Variants in DNAH14 observed in about 807,000 individuals in gnomAD.
The protein encoded by DNAH14 is axonemal beta dynein heavy chain 14.
A neutral mutation model predicts 520.9 loss-of-function variants in DNAH14; 478 were observed. The observed-to-expected ratio is 0.92, with a 90% CI of 0.85 to 0.99. The LOEUF is 0.99. DNAH14 is among the 50% of genes least tolerant of loss of function. The pLI, the probability that DNAH14 is intolerant of heterozygous loss-of-function variation, is 0.00. For missense variants in DNAH14, 4,831 were observed against 5,234.5 expected (o/e 0.92, Z 2.38); for synonymous variants, 1,581 against 1,757.2 (o/e 0.90, Z 2.51).
At chr1:224,985,539 A>G (rs1207315001) in intron 8 of DNAH14, among the ~76,000 whole-genome samples, 1 of 152,118 alleles carries the variant, frequency 6.6e-6, no homozygotes, top group Non-Finnish European at 1.5e-5. Flanking sequence ...CAATGGGTGC[A>G]CCAGGTTCTC....
At chr1:225,093,676 A>C (rs1160090540) in intron 21 of DNAH14, among the ~76,000 whole-genome samples, 1 of 152,178 alleles carries the variant, frequency 6.6e-6, no homozygotes, top group Non-Finnish European at 1.5e-5. Flanking sequence ...CCAAATAGGA[A>C]AAAAGGAAGT....
At chr1:225,396,310 C>G (rs2096010174) in intron 84 of DNAH14, 1 of 152,192 alleles carries the variant, frequency 6.6e-6, no homozygotes, top group Non-Finnish European at 1.5e-5. Flanking sequence ...AGGCCTCTGC[C>G]CTCTAGAAGA....
rs776503848 is a variant in DNAH14 at position 225,337,264 on chromosome 1, A to G, written c.10081-2A>G. ...GTGAAAGTACTAATAATTTCATTGC[A>G]GATCAGCCGATGGCATAATCAGGGA... On this transcript the variant is annotated splice_acceptor_variant, in intron 66 of 85. Coordinates refer to ENST00000682510, the MANE Select transcript of DNAH14 (RefSeq NM_001367479.1). LOFTEE classifies it high-confidence loss of function. 2 of 1,549,722 alleles carry G rather than the reference A, an allele frequency of 1.3e-6. No homozygotes were observed. The highest frequency in any genetic ancestry group is 1.7e-6 in the Non-Finnish European group (2 of 1,145,050).
At chr1:225,335,896 TAC>T (rs1459745241) in intron 66 of DNAH14, among the ~76,000 whole-genome samples, 9 of 88,108 alleles carry the variant, frequency 1.0e-4, no homozygotes, top group South Asian at 4.6e-4. Context: ...TACATATACA[TAC>T]ATATATGCAT....
chr1:224,960,945 C>T lies in DNAH14; in HGVS notation c.367+643C>T, dbSNP rs115646817. Reference sequence around the variant, plus strand: ...TACCTCATATAGCACAAAACCTCCACGGACGTGGTGGTGTTCATGCCCTTG... The same window carrying T: ...TACCTCATATAGCACAAAACCTCCATGGACGTGGTGGTGTTCATGCCCTTG... On this transcript the variant is annotated intron_variant, in intron 4 of 85. Coordinates refer to ENST00000682510, the MANE Select transcript of DNAH14 (RefSeq NM_001367479.1). Among the ~76,000 whole-genome samples, 723 of 152,180 alleles carry T rather than the reference C, an allele frequency of 4.8e-3. 4 individuals carry two copies. Among genetic ancestry groups the T allele is most frequent in the African/African-American group, 0.016 (678 of 41,520 alleles).
intron 31 of DNAH14, among the ~76,000 whole-genome samples, chr1:225,149,540 A>G (rs1298386393): frequency 6.6e-6 from 1 of 152,200 alleles, no homozygotes; most frequent in Non-Finnish European, 1.5e-5. Flanking sequence ...TCATTTTAGC[A>G]ATATTGATTC....
intron 8 of DNAH14, among the ~76,000 whole-genome samples, chr1:225,000,270 T>C (rs2063667619): frequency 6.6e-6 from 1 of 152,178 alleles, no homozygotes; most frequent in Non-Finnish European, 1.5e-5. Flanking sequence ...TTTTCTCCTA[T>C]GGATAAAGTG....
chr1:225,033,210 G>A (rs2066674677), intron 11 of DNAH14, among the ~76,000 whole-genome samples: 1 of 152,088 alleles, frequency 6.6e-6, no homozygotes. Flanking sequence ...TATAGTTTTG[G>A]GTTTTGCATT....
intron 77 of DNAH14, among the ~76,000 whole-genome samples, chr1:225,373,962 C>CA (rs1372057636): frequency 9.4e-5 from 14 of 149,450 alleles, no homozygotes; most frequent in Non-Finnish European, 3.0e-5. Flanking sequence ...CCCATCTCTA[C>CA]AAAAAAATAC....
chr1:225,084,421 G>C (rs1242397576), intron 20 of DNAH14, among the ~76,000 whole-genome samples: 1 of 152,034 alleles, frequency 6.6e-6, no homozygotes, highest in African/African-American at 2.4e-5. Context: ...ACCCAGAGGT[G>C]GTGGTCATGC....
At chr1:225,242,106 C>T (rs545762169) in intron 43 of DNAH14, among the ~76,000 whole-genome samples, 34 of 152,188 alleles carry the variant, frequency 2.2e-4, no homozygotes, top group African/African-American at 8.2e-4. Flanking sequence ...TGGTTGTATG[C>T]TCCTGTAGTT....
chr1:225,313,630 G>A (rs568468544), intron 60 of DNAH14, among the ~76,000 whole-genome samples: 27 of 152,140 alleles, frequency 1.8e-4, no homozygotes, highest in African/African-American at 4.3e-4. Flanking sequence ...CAGAGATTCC[G>A]GTACGTTGTG....
intron 41 of DNAH14, among the ~76,000 whole-genome samples, chr1:225,219,752 T>C (rs914186942): frequency 6.6e-6 from 1 of 151,998 alleles, no homozygotes; most frequent in Non-Finnish European, 1.5e-5. Flanking sequence ...AGAACCATTT[T>C]TTTCTGAAAT....
chr1:224,943,628 A>G (rs1236885645), intron 1 of DNAH14, among the ~76,000 whole-genome samples: 1 of 152,048 alleles, frequency 6.6e-6, no homozygotes, highest in Non-Finnish European at 1.5e-5. Flanking sequence ...TCTTGTGGGC[A>G]TTTAGTGCTG....
intron 8 of DNAH14, among the ~76,000 whole-genome samples, chr1:224,983,992 A>C (rs1216486414): frequency 6.6e-6 from 1 of 152,180 alleles, no homozygotes; most frequent in Non-Finnish European, 1.5e-5. Flanking sequence ...AATTCAACCC[A>C]ATCCCCACCA....
chr1:225,265,299 C>A lies in DNAH14; in HGVS notation c.7340C>A (p.Thr2447Asn). The change falls in exon 48 of 86, where the codon ACC becomes AAC. Residue 2447 changes from threonine (T) to asparagine (N), a missense_variant. Physicochemically the swap from Thr to Asn is moderately conservative, Grantham distance 65. Transcript: ENST00000682510. ...NFSTNVTAAK[T>N]KEMILKKLIR... is the part of the protein sequence containing the mutation. ...AGCACCAATGTAACAGCTGCCAAAA[C>A]CAAGGAGATGATTCTTAAGAAGTTA... 6.5e-7 allele frequency: 1 copy of A among 1,544,426 alleles called. No homozygotes were observed. The highest frequency in any genetic ancestry group is 8.7e-7 in the Non-Finnish European group (1 of 1,144,974).
At chr1:225,008,384 T>C (rs1003645104) in intron 10 of DNAH14, among the ~76,000 whole-genome samples, 2 of 152,152 alleles carry the variant, frequency 1.3e-5, no homozygotes, top group Admixed American at 1.3e-4. Context: ...GCAATAAACA[T>C]ACGTGTGCAT....
At chr1:225,032,827 G>T (rs2066633078) in intron 11 of DNAH14, among the ~76,000 whole-genome samples, 1 of 152,082 alleles carries the variant, frequency 6.6e-6, no homozygotes, top group South Asian at 2.1e-4. Context: ...TTTTTCTAAT[G>T]ATCAGTGATA....
intron 48 of DNAH14, among the ~76,000 whole-genome samples, chr1:225,266,224 G>A (rs926261333): frequency 6.6e-6 from 1 of 152,098 alleles, no homozygotes; most frequent in African/African-American, 2.4e-5. Context: ...AAACCAGGGT[G>A]CATATGGAAT....
Sources: gnomAD v4.1 joint callset for allele counts (sites outside exome capture counted in the v4.1 genomes callset) on GRCh38, gnomAD v4.1.1 for gene constraint, MANE v1.5 for transcripts, NCBI Gene and HGNC (gene_info 2026-07-23, HGNC 2026-07-21) for gene names.